The following BMPR1B variants were observed in gnomAD, a reference collection of about 807,000 sequenced individuals.
BMPR1B encodes the protein bone morphogenetic protein receptor type 1B.
A neutral mutation model predicts 59.1 loss-of-function variants in BMPR1B; 12 were observed. The ratio of observed to expected loss-of-function variants is 0.20; its 90% CI spans 0.13 to 0.33. The LOEUF (loss-of-function observed/expected upper bound fraction) is 0.33. Among genes scored for constraint, BMPR1B ranks in the 10% least tolerant of loss-of-function variants. BMPR1B has a pLI of 1.00. For synonymous variants in BMPR1B, 237 were observed against 207.3 expected, an observed-to-expected ratio of 1.14 and a Z score of -1.23; for missense variants, 550 against 610.9, an observed-to-expected ratio of 0.90 and a Z score of 1.05.
At chr4:94,859,838 A>T (rs1001039016) in intron 1 of BMPR1B, among the ~76,000 whole-genome samples, 1 of 152,152 alleles carries the variant, frequency 6.6e-6, no homozygotes, top group Admixed American at 6.5e-5. Flanking sequence ...ATTGCATATA[A>T]ATTACTAAAG....
chr4:95,139,741 G>A (rs1381246377), intron 10 of BMPR1B, among the ~76,000 whole-genome samples: 2 of 152,208 alleles, frequency 1.3e-5, no homozygotes, highest in South Asian at 2.1e-4. Flanking sequence ...AGCCATGCGC[G>A]GGATATAATC....
intron 2 of BMPR1B, among the ~76,000 whole-genome samples, chr4:94,877,997 C>A (rs556355383): frequency 6.6e-6 from 1 of 152,000 alleles, no homozygotes; most frequent in East Asian, 1.9e-4. Context: ...GGAATGATAT[C>A]GCCTATATTG....
chr4:95,012,647 C>T (rs1428081513), intron 3 of BMPR1B, among the ~76,000 whole-genome samples: 1 of 151,994 alleles, frequency 6.6e-6, no homozygotes, highest in Admixed American at 6.6e-5. Context: ...GATGCTTTTC[C>T]AGCTGTGTAA....
intron 3 of BMPR1B, among the ~76,000 whole-genome samples, chr4:95,017,750 T>G (rs1366933564): frequency 6.6e-6 from 1 of 152,216 alleles, no homozygotes; most frequent in African/African-American, 2.4e-5. Context: ...GTACTGCCAC[T>G]GGGAAATTTG....
At chr4:94,781,410 A>C (rs193177190) in intron 1 of BMPR1B, among the ~76,000 whole-genome samples, 1 of 151,878 alleles carries the variant, frequency 6.6e-6, no homozygotes, top group Non-Finnish European at 1.5e-5. Flanking sequence ...TAAGATAATA[A>C]TTTTTTATTT....
intron 2 of BMPR1B, among the ~76,000 whole-genome samples, chr4:94,894,729 G>GTTTTTTTTTTTTTTTTTT (rs1382537181): frequency 6.6e-6 from 1 of 151,432 alleles, no homozygotes; most frequent in African/African-American, 2.4e-5. Flanking sequence ...TTTTTTGTTA[G>GTTTTTTTTTTTTTTTTTT]TTTGGAATTA....
intron 3 of BMPR1B, among the ~76,000 whole-genome samples, chr4:95,048,512 G>A (rs373107820): frequency 6.6e-6 from 1 of 152,126 alleles, no homozygotes; most frequent in African/African-American, 2.4e-5. Context: ...GTGTAAGATG[G>A]TATTTCACTA....
At chr4:94,769,106 C>G (rs1402109333) in intron 1 of BMPR1B, among the ~76,000 whole-genome samples, 1 of 152,168 alleles carries the variant, frequency 6.6e-6, no homozygotes, top group Non-Finnish European at 1.5e-5. Context: ...ACTCTAATTC[C>G]TTTTCTAAAT....
At chr4:94,790,332 G>C (rs547895739) in intron 1 of BMPR1B, among the ~76,000 whole-genome samples, 4 of 152,284 alleles carry the variant, frequency 2.6e-5, no homozygotes, top group Middle Eastern at 3.4e-3. Flanking sequence ...ACCAGTGTGA[G>C]TTATTACTGT....
At chr4:94,773,690 C>T (rs984586444) in intron 1 of BMPR1B, among the ~76,000 whole-genome samples, 8 of 152,034 alleles carry the variant, frequency 5.3e-5, no homozygotes, top group African/African-American at 2.4e-5. Context: ...ATAAAAAATA[C>T]GCAGAGGTTG....
chr4:95,154,207 T>G lies in BMPR1B; in HGVS notation c.1384-341T>G, dbSNP rs115251592. ...TTTGTTTGCATAGTATGGAATTAGA[T>G]AAAAGATTAAAACTTATCAAGTGTT... is the stretch of plus-strand genomic sequence containing the variant. On this transcript the variant is annotated intron_variant, in intron 12 of 12. Coordinates refer to ENST00000515059, the MANE Select transcript of BMPR1B (RefSeq NM_001203.3). Among the ~76,000 whole-genome samples, 670 of 152,326 alleles carry G rather than the reference T, an allele frequency of 4.4e-3. 7 individuals carry two copies. The highest frequency in any genetic ancestry group is 0.015 in the African/African-American group (627 of 41,576).
intron 3 of BMPR1B, among the ~76,000 whole-genome samples, chr4:95,079,519 T>C (rs964038660): frequency 5.3e-5 from 8 of 152,234 alleles, no homozygotes; most frequent in Non-Finnish European, 1.0e-4. Flanking sequence ...TAATTTCATG[T>C]AGGAAAAGAA....
At chr4:95,115,819 C>T (rs752401398) in intron 6 of BMPR1B, 32 bp downstream of exon 6, 20 of 1,542,694 alleles carry the variant, frequency 1.3e-5, no homozygotes, top group South Asian at 2.2e-5. Context: ...CCTGGAAAAT[C>T]ACTAGGTATC....
chr4:94,950,838 T>C (rs890340924), intron 2 of BMPR1B, among the ~76,000 whole-genome samples: 1 of 152,230 alleles, frequency 6.6e-6, no homozygotes, highest in Non-Finnish European at 1.5e-5. Flanking sequence ...AAGTCAATAG[T>C]AGCTTCATGG....
At chr4:95,117,564 C>T (rs541378314) in intron 6 of BMPR1B, among the ~76,000 whole-genome samples, 26 of 152,104 alleles carry the variant, frequency 1.7e-4, no homozygotes, top group Non-Finnish European at 3.2e-4. Context: ...GGGAAGATCG[C>T]CTGGGCCCAG....
At chr4:94,798,096 TA>T (rs1354972731) in intron 1 of BMPR1B, among the ~76,000 whole-genome samples, 1 of 152,238 alleles carries the variant, frequency 6.6e-6, no homozygotes, top group East Asian at 1.9e-4. Flanking sequence ...ATTTTAATCT[TA>T]TTTATAGATG....
chr4:95,083,573 G>C (rs1011348163), intron 3 of BMPR1B, among the ~76,000 whole-genome samples: 7 of 152,164 alleles, frequency 4.6e-5, no homozygotes, highest in Non-Finnish European at 8.8e-5. Flanking sequence ...ATTTGGAACA[G>C]GAAAGTGCTT....
chr4:95,137,561 T>C (rs1437031514), intron 10 of BMPR1B, among the ~76,000 whole-genome samples: 1 of 152,308 alleles, frequency 6.6e-6, no homozygotes, highest in South Asian at 2.1e-4. Flanking sequence ...TTTGTAGGTC[T>C]CTAAGGACTC....
chr4:94,895,432 A>G (rs1727549162), intron 2 of BMPR1B, among the ~76,000 whole-genome samples: 1 of 151,866 alleles, frequency 6.6e-6, no homozygotes, highest in Non-Finnish European at 1.5e-5. Context: ...GATTTTAGAC[A>G]AACGTATCTA....
Sources: gnomAD v4.1 joint callset for allele counts (sites outside exome capture counted in the v4.1 genomes callset) on GRCh38, gnomAD v4.1.1 for gene constraint, MANE v1.5 for transcripts, NCBI Gene and HGNC (gene_info 2026-07-23, HGNC 2026-07-21) for gene names.